Variants in PROS1 observed in about 807,000 individuals in gnomAD.
PROS1 encodes protein S.
In PROS1, 29 loss-of-function variants were observed where a neutral mutation model predicts 75.9. The observed-to-expected ratio is 0.38, with a 90% CI of 0.28 to 0.52. The LOEUF (loss-of-function observed/expected upper bound fraction) is 0.52. Ranked by LOEUF, PROS1 falls within the 20% of genes least tolerant of loss-of-function variation. PROS1 has a pLI of 0.83. For missense variants in PROS1, 680 were observed against 810.3 expected (o/e 0.84, Z 1.95); for synonymous variants, 245 against 280.6 (o/e 0.87, Z 1.27).
At chr3:93,892,888 GAC>G (rs762882699) in intron 10 of PROS1, 43 bp downstream of exon 10, 25 of 1,561,768 alleles carry the variant, frequency 1.6e-5, no homozygotes, top group South Asian at 1.5e-4. Flanking sequence ...ATTTTATACA[GAC>G]TGCATCAAAG....
At chr3:93,941,842 C>A (rs187756951) in intron 1 of PROS1, among the ~76,000 whole-genome samples, 11 of 152,298 alleles carry the variant, frequency 7.2e-5, no homozygotes, top group Admixed American at 7.2e-4. Context: ...ACACTCTCTA[C>A]AATTCTCATA....
chr3:93,917,002 C>G (rs904445956), intron 3 of PROS1, among the ~76,000 whole-genome samples: 2 of 152,166 alleles, frequency 1.3e-5, no homozygotes, highest in African/African-American at 4.8e-5. Context: ...TTTTATTTCT[C>G]TAAGAAACTA....
chr3:93,883,727 T>C (rs1402479615), intron 12 of PROS1, among the ~76,000 whole-genome samples: 1 of 151,958 alleles, frequency 6.6e-6, no homozygotes, highest in African/African-American at 2.4e-5. Context: ...CCCAGCACTT[T>C]GGGAGGCCAA....
At chr3:93,939,740 C>G (rs1191384522) in intron 1 of PROS1, among the ~76,000 whole-genome samples, 1 of 151,800 alleles carries the variant, frequency 6.6e-6, no homozygotes, top group Non-Finnish European at 1.5e-5. Context: ...TAGCAGCAAA[C>G]TTGAGACCCT....
intron 1 of PROS1, among the ~76,000 whole-genome samples, chr3:93,932,006 G>A (rs1284829195): frequency 1.3e-5 from 2 of 152,196 alleles, no homozygotes; most frequent in Non-Finnish European, 2.9e-5. Flanking sequence ...TTGCCAGAAA[G>A]ATACAGGCAT....
At chr3:93,933,168 T>A (rs62266145) in intron 1 of PROS1, among the ~76,000 whole-genome samples, 2 of 152,204 alleles carry the variant, frequency 1.3e-5, no homozygotes, top group Non-Finnish European at 2.9e-5. Flanking sequence ...CAGTGTTGGA[T>A]GAGGTGAAGG....
intron 10 of PROS1, among the ~76,000 whole-genome samples, chr3:93,887,975 T>C (rs1576177698): frequency 1.3e-5 from 2 of 152,230 alleles, no homozygotes; most frequent in South Asian, 2.1e-4. Flanking sequence ...TTAATAATAA[T>C]AAGTAATGCA....
intron 1 of PROS1, among the ~76,000 whole-genome samples, chr3:93,943,530 C>T (rs1415748696): frequency 6.6e-6 from 1 of 152,182 alleles, no homozygotes; most frequent in Non-Finnish European, 1.5e-5. Context: ...ATCTCTCCCA[C>T]TCTAGGCTCC....
chr3:93,902,359 T>A (rs1708608212), intron 6 of PROS1, among the ~76,000 whole-genome samples: 2 of 152,138 alleles, frequency 1.3e-5, no homozygotes, highest in Non-Finnish European at 2.9e-5. Flanking sequence ...GTGTATTTGG[T>A]TTGAGGCATA....
At chr3:93,879,871 T>A in intron 12 of PROS1, among the ~76,000 whole-genome samples, 1 of 152,186 alleles carries the variant, frequency 6.6e-6, no homozygotes, top group East Asian at 1.9e-4. Flanking sequence ...TCCTTCACAT[T>A]CTCTTTCTTA....
chr3:93,895,811 A>C (rs1200555066), intron 9 of PROS1, among the ~76,000 whole-genome samples: 1 of 152,072 alleles, frequency 6.6e-6, no homozygotes, highest in Non-Finnish European at 1.5e-5. Flanking sequence ...CTAAAAATAC[A>C]AAAATTAGCT....
At chr3:93,885,004 G>A (rs965398430) in intron 11 of PROS1, 108 bp from the exon 12 acceptor site, 125 of 956,912 alleles carry the variant, frequency 1.3e-4, no homozygotes, top group South Asian at 2.6e-4. Flanking sequence ...TTTGATAATA[G>A]TTGAAAATAT....
At chr3:93,962,750 A>C (rs1400605472) in intron 1 of PROS1, among the ~76,000 whole-genome samples, 5 of 152,090 alleles carry the variant, frequency 3.3e-5, no homozygotes, top group African/African-American at 1.2e-4. Flanking sequence ...AGAGCAGTGG[A>C]CTCTCAGTGG....
intron 4 of PROS1, 119 bp downstream of exon 4, chr3:93,910,500 G>A (rs1708743789): frequency 1.2e-6 from 1 of 809,512 alleles, no homozygotes; most frequent in Non-Finnish European, 2.1e-6. Context: ...TCCTTGCTGG[G>A]CATACAACCC....
At position 93,877,211 on chromosome 3, in the gene PROS1, T is replaced by C; in HGVS notation, c.1645-20A>G. On this transcript the variant is annotated intron_variant, in intron 13 of 14. Transcript: ENST00000394236. ...AATATCCTGAAGAGCAGAGCAAAGA[T>C]TCAATATAAGCAAGGAGTAAGAGTA... 6.4e-7 allele frequency: 1 copy of C among 1,552,542 alleles called. No homozygotes were observed. The highest frequency in any genetic ancestry group is 8.9e-7 in the Non-Finnish European group (1 of 1,124,824).
chr3:93,972,632 A>C (rs1709896071), intron 1 of PROS1, among the ~76,000 whole-genome samples: 1 of 151,544 alleles, frequency 6.6e-6, no homozygotes, highest in Admixed American at 6.6e-5. Flanking sequence ...GGAGGTCAGG[A>C]GCTCGAGACC....
At chr3:93,910,184 T>C (rs1006429958) in intron 4 of PROS1, among the ~76,000 whole-genome samples, 1 of 152,214 alleles carries the variant, frequency 6.6e-6, no homozygotes, top group African/African-American at 2.4e-5. Flanking sequence ...CCTTGTGAAC[T>C]TCAGAGCAAG....
chr3:93,907,329 G>A (rs1483362176), intron 4 of PROS1, among the ~76,000 whole-genome samples: 4 of 152,080 alleles, frequency 2.6e-5, no homozygotes, highest in South Asian at 2.1e-4. Flanking sequence ...TGCAGACATC[G>A]AATGACCTGT....
intron 3 of PROS1, among the ~76,000 whole-genome samples, chr3:93,923,625 G>A (rs1559940028): frequency 6.6e-6 from 1 of 152,118 alleles, no homozygotes; most frequent in Non-Finnish European, 1.5e-5. Flanking sequence ...CTAAGGCTGG[G>A]CAGGGTGGGT....
Sources: gnomAD v4.1 joint callset for allele counts (sites outside exome capture counted in the v4.1 genomes callset) on GRCh38, gnomAD v4.1.1 for gene constraint, MANE v1.5 for transcripts, NCBI Gene and HGNC (gene_info 2026-07-23, HGNC 2026-07-21) for gene names.